The following ASTN2 variants were observed in gnomAD, a reference collection of about 807,000 sequenced individuals.
ASTN2 encodes the protein astrotactin 2.
A neutral mutation model predicts 139.8 loss-of-function variants in ASTN2; 54 were observed. The ratio of observed to expected loss-of-function variants is 0.39; its 90% CI spans 0.31 to 0.48. The LOEUF (loss-of-function observed/expected upper bound fraction) is 0.48, where lower values mean the gene tolerates loss of function less well. Among genes scored for constraint, ASTN2 ranks in the 20% least tolerant of loss-of-function variants. ASTN2 has a pLI of 0.95. For synonymous variants in ASTN2, 756 were observed against 719.5 expected (o/e 1.05, Z -0.81); for missense variants, 1,565 against 1,725.1 (o/e 0.91, Z 1.64).
intron 21 of ASTN2, among the ~76,000 whole-genome samples, chr9:116,441,007 T>G (rs34976241): frequency 2.6e-5 from 4 of 152,008 alleles, no homozygotes; most frequent in Admixed American, 6.5e-5. Context: ...TGGAGGTGCA[T>G]TGGGAGAGCT....
intron 4 of ASTN2, among the ~76,000 whole-genome samples, chr9:117,126,949 T>G (rs542069219): frequency 2.0e-5 from 3 of 152,288 alleles, no homozygotes; most frequent in Admixed American, 2.0e-4. Context: ...GGTAGGTAGT[T>G]AAGCTTAGAC....
At chr9:116,818,663 A>G (rs1831402841) in intron 12 of ASTN2, among the ~76,000 whole-genome samples, 1 of 152,244 alleles carries the variant, frequency 6.6e-6, no homozygotes, top group Non-Finnish European at 1.5e-5. Flanking sequence ...ATGTTATTAG[A>G]ATCACTTAAG....
chr9:116,807,392 T>G (rs1564278428), intron 12 of ASTN2, among the ~76,000 whole-genome samples: 2 of 152,210 alleles, frequency 1.3e-5, no homozygotes, highest in South Asian at 4.1e-4. Flanking sequence ...GTCTCATGCA[T>G]GAAGCAAACT....
intron 7 of ASTN2, among the ~76,000 whole-genome samples, chr9:117,003,143 A>T (rs1183607993): frequency 6.6e-6 from 1 of 152,198 alleles, no homozygotes; most frequent in Non-Finnish European, 1.5e-5. Flanking sequence ...GCAGAAGATG[A>T]GGTGAAAGAA....
At chr9:117,318,407 A>G (rs1828215739) in intron 1 of ASTN2, among the ~76,000 whole-genome samples, 1 of 152,126 alleles carries the variant, frequency 6.6e-6, no homozygotes, top group Non-Finnish European at 1.5e-5. Context: ...GCGATCTTAG[A>G]GTTTGGGCTA....
chr9:116,744,240 TAA>T (rs780997773), intron 13 of ASTN2, among the ~76,000 whole-genome samples: 2 of 152,040 alleles, frequency 1.3e-5, no homozygotes, highest in Non-Finnish European at 2.9e-5. Context: ...TGCAATAAGC[TAA>T]GTTTCAAGAT....
chr9:117,043,907 CAA>C (rs10713427), intron 5 of ASTN2, among the ~76,000 whole-genome samples: 6 of 119,304 alleles, frequency 5.0e-5, no homozygotes, highest in Non-Finnish European at 5.1e-5. Context: ...GACTCTGTCT[CAA>C]AAAAAAAAAA....
intron 6 of ASTN2, among the ~76,000 whole-genome samples, chr9:117,019,269 T>C (rs748619996): frequency 6.6e-6 from 1 of 152,094 alleles, no homozygotes; most frequent in African/African-American, 2.4e-5. Flanking sequence ...TACATCGTCA[T>C]GACATTTTCA....
At chr9:117,145,156 A>G (rs969756808) in intron 3 of ASTN2, among the ~76,000 whole-genome samples, 3 of 152,180 alleles carry the variant, frequency 2.0e-5, no homozygotes, top group African/African-American at 7.2e-5. Flanking sequence ...TCTTTGAGAC[A>G]TCTAAGTGGA....
chr9:117,399,648 C>T (rs566721546), intron 1 of ASTN2, among the ~76,000 whole-genome samples: 17 of 152,272 alleles, frequency 1.1e-4, no homozygotes, highest in African/African-American at 4.1e-4. Flanking sequence ...TACTACTGAC[C>T]TTATGCAATA....
At chr9:117,124,101 G>A (rs995743697) in intron 4 of ASTN2, among the ~76,000 whole-genome samples, 9 of 152,164 alleles carry the variant, frequency 5.9e-5, no homozygotes, top group African/African-American at 1.4e-4. Context: ...CCTTCTCCAG[G>A]TCTCAGTTTC....
At chr9:116,959,357 G>T (rs551263766) in intron 10 of ASTN2, among the ~76,000 whole-genome samples, 2 of 152,306 alleles carry the variant, frequency 1.3e-5, no homozygotes, top group South Asian at 2.1e-4. Flanking sequence ...AATGGAGCAC[G>T]TGGATGTGAC....
intron 19 of ASTN2, among the ~76,000 whole-genome samples, chr9:116,489,448 C>A (rs572387125): frequency 6.6e-6 from 1 of 152,214 alleles, no homozygotes; most frequent in African/African-American, 2.4e-5. Flanking sequence ...GAGGTCCTCC[C>A]ACCTCAGCTT....
intron 20 of ASTN2, among the ~76,000 whole-genome samples, chr9:116,453,324 T>A (rs979251125): frequency 6.6e-6 from 1 of 152,166 alleles, no homozygotes; most frequent in Non-Finnish European, 1.5e-5. Context: ...CTGGGCGTGG[T>A]GGCTCACGCC....
At chr9:116,721,721 C>T (rs1051162037) in intron 16 of ASTN2, among the ~76,000 whole-genome samples, 3 of 152,076 alleles carry the variant, frequency 2.0e-5, no homozygotes, top group Non-Finnish European at 4.4e-5. Context: ...TTGACCTGTT[C>T]GGTGTTCCAG....
chr9:116,985,996 C>T lies in ASTN2; in HGVS notation c.1592-9211G>A, dbSNP rs968952310. 1.2e-4 allele frequency among the ~76,000 whole-genome samples: 18 copies of T among 152,146 alleles called. 1 individual carries two copies. Among genetic ancestry groups the T allele is most frequent in the African/African-American group, 2.4e-4 (10 of 41,444 alleles). Reference sequence around the variant, plus strand: ...TGCACCTCTGGGCCTCATCAGAAAACGGGCATCTTAAACCCAATTTTTAAA... The same window carrying T: ...TGCACCTCTGGGCCTCATCAGAAAATGGGCATCTTAAACCCAATTTTTAAA... On this transcript the variant is annotated intron_variant, in intron 7 of 22. Coordinates refer to ENST00000313400, the MANE Select transcript of ASTN2 (RefSeq NM_001365068.1).
chr9:117,325,839 T>C (rs1162401914), intron 1 of ASTN2, among the ~76,000 whole-genome samples: 1 of 152,120 alleles, frequency 6.6e-6, no homozygotes, highest in Non-Finnish European at 1.5e-5. Context: ...GGGTCCTTAA[T>C]AATCATCTAA....
At chr9:116,733,569 T>G in intron 13 of ASTN2, 46 bp from the exon 14 acceptor site, 1 of 1,612,388 alleles carries the variant, frequency 6.2e-7, no homozygotes, top group Non-Finnish European at 8.5e-7. Context: ...AAGTGGAGAC[T>G]GCTGAGGACT....
chr9:117,375,313 G>T (rs1230782649), intron 1 of ASTN2, among the ~76,000 whole-genome samples: 4 of 152,146 alleles, frequency 2.6e-5, no homozygotes, highest in Non-Finnish European at 5.9e-5. Flanking sequence ...TTCTCCAAGG[G>T]TCAAAGAGTT....
Sources: allele counts gnomAD v4.1 joint callset (sites outside exome capture counted in the v4.1 genomes callset), GRCh38; gene constraint gnomAD v4.1.1; transcripts MANE v1.5; gene names NCBI Gene and HGNC (gene_info 2026-07-23, HGNC 2026-07-21).